CCDC171: variants seen among roughly 807,000 people sequenced by gnomAD.
CCDC171 encodes the protein coiled-coil domain-containing protein 171.
A neutral mutation model predicts 168.2 loss-of-function variants in CCDC171; 177 were observed. That is an observed-to-expected ratio of 1.05 (90% CI 0.93 to 1.19). CCDC171 has a LOEUF of 1.19. Ranked by LOEUF, CCDC171 falls within the 50% of genes most tolerant of loss-of-function variation. The pLI, the probability that CCDC171 is intolerant of heterozygous loss-of-function variation, is 0.00. For synonymous variants in CCDC171, 687 were observed against 540.8 expected (o/e 1.27, Z -3.75); for missense variants, 1,991 against 1,539.0 (o/e 1.29, Z -4.91).
chr9:15,881,445 T>A (rs1818627541), intron 24 of CCDC171, among the ~76,000 whole-genome samples: 1 of 152,210 alleles, frequency 6.6e-6, no homozygotes, highest in Non-Finnish European at 1.5e-5. Context: ...GGGATATAGA[T>A]CCATCACCTT....
At chr9:15,616,417 C>A (rs953618220) in intron 6 of CCDC171, among the ~76,000 whole-genome samples, 1 of 151,862 alleles carries the variant, frequency 6.6e-6, no homozygotes, top group South Asian at 2.1e-4. Flanking sequence ...TCTCATGAGA[C>A]TTCCTAAATA....
At chr9:15,920,231 T>A in intron 24 of CCDC171, 39 bp from the exon 25 acceptor site, 1 of 1,309,100 alleles carries the variant, frequency 7.6e-7, no homozygotes. Flanking sequence ...GGGGACATAT[T>A]TATTTGAATT....
downstream of CCDC171, among the ~76,000 whole-genome samples, chr9:15,975,799 T>C (rs189138941): frequency 2.4e-3 from 373 of 152,304 alleles, 3 homozygotes; most frequent in African/African-American, 8.1e-3. Context: ...CCGTACGAGA[T>C]GTTCATAATA....
chr9:15,878,986 G>T (rs1818236847), intron 24 of CCDC171, among the ~76,000 whole-genome samples: 1 of 152,034 alleles, frequency 6.6e-6, no homozygotes, highest in Non-Finnish European at 1.5e-5. Flanking sequence ...GTGGGAGAAG[G>T]GAGAGGATCA....
chr9:15,606,058 G>T (rs949855686), intron 6 of CCDC171, among the ~76,000 whole-genome samples: 3 of 152,088 alleles, frequency 2.0e-5, no homozygotes, highest in African/African-American at 7.2e-5. Flanking sequence ...CGCAGTAAGA[G>T]ATTAACGATG....
chr9:16,041,917 G>GA (rs1833578909), upstream of CCDC171, among the ~76,000 whole-genome samples: 4 of 152,192 alleles, frequency 2.6e-5, no homozygotes, highest in South Asian at 8.3e-4. Context: ...AAGTTTAGAT[G>GA]AAAATGTGCA....
intron 8 of CCDC171, among the ~76,000 whole-genome samples, chr9:15,663,022 C>G (rs1003718527): frequency 6.9e-6 from 1 of 145,074 alleles, no homozygotes; most frequent in African/African-American, 2.6e-5. Context: ...ACAACAACAA[C>G]AAATTGCCTG....
At chr9:15,751,882 T>C (rs557796768) in intron 18 of CCDC171, among the ~76,000 whole-genome samples, 1 of 152,146 alleles carries the variant, frequency 6.6e-6, no homozygotes, top group East Asian at 1.9e-4. Flanking sequence ...CCAAAAGCAA[T>C]GGCAACAAAA....
intron 4 of CCDC171, among the ~76,000 whole-genome samples, chr9:15,583,773 G>A (rs1203104914): frequency 6.6e-6 from 1 of 151,240 alleles, no homozygotes; most frequent in Non-Finnish European, 1.5e-5. Flanking sequence ...CCAAACTATT[G>A]AAATAAAAAA....
intron 25 of CCDC171, among the ~76,000 whole-genome samples, chr9:15,945,913 G>T (rs1295532075): frequency 7.3e-5 from 11 of 150,172 alleles, no homozygotes; most frequent in Non-Finnish European, 1.2e-4. Flanking sequence ...TTTTGCCTTT[G>T]GTTGCCATTG....
intron 21 of CCDC171, among the ~76,000 whole-genome samples, chr9:15,794,018 T>C (rs1418337087): frequency 4.0e-5 from 1 of 24,708 alleles, no homozygotes; most frequent in Non-Finnish European, 9.3e-5. Context: ...GGATACAGTG[T>C]TGGGTGGAGG....
chr9:15,752,803 TGG>T (rs2134883386), intron 18 of CCDC171, among the ~76,000 whole-genome samples: 1 of 152,102 alleles, frequency 6.6e-6, no homozygotes, highest in Admixed American at 6.5e-5. Context: ...GATGAATTGA[TGG>T]GTGCAGCAAA....
chr9:15,792,848 A>G (rs10733304), intron 21 of CCDC171, among the ~76,000 whole-genome samples: 143,141 of 151,720 alleles, frequency 0.94, 67,596 homozygotes, highest in East Asian at 1. Context: ...AGGAACAACC[A>G]GTACCAGCCA....
intron 24 of CCDC171, among the ~76,000 whole-genome samples, chr9:15,905,978 A>G (rs950475879): frequency 3.9e-5 from 6 of 152,238 alleles, no homozygotes; most frequent in Non-Finnish European, 8.8e-5. Context: ...ACCAGGAAGA[A>G]GCTGAATCTC....
intron 10 of CCDC171, among the ~76,000 whole-genome samples, chr9:15,694,172 C>G (rs1012162191): frequency 6.6e-6 from 1 of 152,002 alleles, no homozygotes; most frequent in East Asian, 1.9e-4. Context: ...GACTTCTTTT[C>G]TAACTATTAA....
chr9:16,068,617 A>G, the CCDC171 span, among the ~76,000 whole-genome samples: 1 of 152,212 alleles, frequency 6.6e-6, no homozygotes, highest in Admixed American at 6.5e-5. Context: ...ATTTGACTTC[A>G]TGATGGTGCC....
chr9:15,890,729 T>A (rs1425437450), intron 24 of CCDC171, among the ~76,000 whole-genome samples: 1 of 152,212 alleles, frequency 6.6e-6, no homozygotes, highest in Non-Finnish European at 1.5e-5. Flanking sequence ...TGTGCAATTC[T>A]TTGTTTATTA....
chr9:15,831,999 T>G (rs931045045), intron 21 of CCDC171, among the ~76,000 whole-genome samples: 1 of 152,112 alleles, frequency 6.6e-6, no homozygotes, highest in Non-Finnish European at 1.5e-5. Context: ...CATCTTACTT[T>G]TTTGTCTTTT....
At chr9:15,900,764 A>G (rs973705160) in intron 24 of CCDC171, among the ~76,000 whole-genome samples, 1 of 152,274 alleles carries the variant, frequency 6.6e-6, no homozygotes, top group South Asian at 2.1e-4. Context: ...CAGTGAATAG[A>G]TAGACTGTCT....
Sources: gnomAD v4.1 joint callset for allele counts (sites outside exome capture counted in the v4.1 genomes callset) on GRCh38, gnomAD v4.1.1 for gene constraint, MANE v1.5 for transcripts, NCBI Gene and HGNC (gene_info 2026-07-23, HGNC 2026-07-21) for gene names.